Variants in ANO1 observed in about 807,000 individuals in gnomAD.
ANO1 encodes anoctamin-1.
In ANO1, 59 loss-of-function variants were observed where a neutral mutation model predicts 124.0. The observed-to-expected ratio is 0.48, with a 90% CI of 0.39 to 0.59. ANO1 has a LOEUF of 0.59. Among genes scored for constraint, ANO1 ranks in the 20% least tolerant of loss-of-function variants. ANO1 has a pLI of 0.00. For missense variants in ANO1, 1,059 were observed against 1,328.0 expected, an observed-to-expected ratio of 0.80 and a Z score of 3.15; for synonymous variants, 529 against 532.0, an observed-to-expected ratio of 0.99 and a Z score of 0.08.
At chr11:70,042,045 G>C (rs986273134) in intron 1 of ANO1, among the ~76,000 whole-genome samples, 6 of 152,108 alleles carry the variant, frequency 3.9e-5, no homozygotes, top group Non-Finnish European at 7.4e-5. Flanking sequence ...CACAGGAGAG[G>C]CTTGAGCATC....
chr11:70,128,127 GT>G lies in ANO1; in HGVS notation c.1097+1936del, dbSNP rs2046596521. ...TCTGGTCAATTTTTGTTTAAGTGAT[GT>G]TTTGATACATGAATAACACCTAAAA... is the stretch of plus-strand genomic sequence containing the variant. On this transcript the variant is annotated intron_variant, in intron 10 of 25. Coordinates refer to ENST00000355303, the MANE Select transcript of ANO1 (RefSeq NM_018043.7). 2.6e-5 allele frequency among the ~76,000 whole-genome samples: 4 copies of G among 152,198 alleles called. No homozygotes were observed. The South Asian group carries it at 8.3e-4, about 31-fold the overall frequency.
At chr11:70,088,457 G>A (rs11233620) in intron 2 of ANO1, among the ~76,000 whole-genome samples, 34,108 of 149,024 alleles carry the variant, frequency 0.23, 4,051 homozygotes, top group South Asian at 0.33. Context: ...TGCAGTGAGC[G>A]GACATCACGC....
chr11:70,068,193 C>T (rs117728018), intron 1 of ANO1, among the ~76,000 whole-genome samples: 2,407 of 152,308 alleles, frequency 0.016, 30 homozygotes, highest in Non-Finnish European at 0.022. Context: ...ACAACAACTC[C>T]ATCCTTGCCC....
chr11:70,187,663 G>A (rs1423207206), intron 25 of ANO1, 75 bp from the exon 26 acceptor site: 2 of 1,510,434 alleles, frequency 1.3e-6, no homozygotes, highest in Admixed American at 2.0e-5. Context: ...CACCAGATGG[G>A]GGCCAGGCAG....
intron 1 of ANO1, among the ~76,000 whole-genome samples, chr11:70,062,430 A>T (rs75708514): frequency 0.23 from 35,261 of 152,066 alleles, 4,811 homozygotes; most frequent in South Asian, 0.33. Context: ...ATAGGGACAC[A>T]TTCAGGACAA....
At chr11:70,103,625 C>T (rs1157420298) in intron 3 of ANO1, among the ~76,000 whole-genome samples, 1 of 152,124 alleles carries the variant, frequency 6.6e-6, no homozygotes, top group African/African-American at 2.4e-5. Context: ...CAGTGTGTTC[C>T]CAGAAGCTTA....
chr11:70,061,631 T>C (rs1857580257), intron 1 of ANO1, among the ~76,000 whole-genome samples: 1 of 152,170 alleles, frequency 6.6e-6, no homozygotes, highest in African/African-American at 2.4e-5. Flanking sequence ...CAGCTACCTA[T>C]AGCAGCTGAG....
the ANO1 span, among the ~76,000 whole-genome samples, chr11:69,979,258 G>T: frequency 1.3e-5 from 2 of 152,142 alleles, no homozygotes; most frequent in African/African-American, 4.8e-5. Context: ...TTTGCTCCTG[G>T]TAATAACATT....
chr11:70,155,006 T>A (rs1461371628), intron 14 of ANO1, among the ~76,000 whole-genome samples: 3 of 152,198 alleles, frequency 2.0e-5, no homozygotes, highest in Admixed American at 1.3e-4. Flanking sequence ...CCTACAAGCA[T>A]CCGGCGTGTT....
intron 1 of ANO1, among the ~76,000 whole-genome samples, chr11:70,072,103 A>C (rs1295774143): frequency 6.6e-6 from 1 of 152,216 alleles, no homozygotes; most frequent in Non-Finnish European, 1.5e-5. Context: ...GAAACGTTGC[A>C]TCAGGAGGAC....
intron 1 of ANO1, among the ~76,000 whole-genome samples, chr11:70,001,239 C>A (rs1358325939): frequency 6.6e-6 from 1 of 152,196 alleles, no homozygotes; most frequent in African/African-American, 2.4e-5. Context: ...AGCTAGCTGG[C>A]CTACATTCTA....
intron 16 of ANO1, 137 bp from the exon 17 acceptor site, chr11:70,161,024 C>T: frequency 1.2e-6 from 1 of 818,940 alleles, no homozygotes; most frequent in Non-Finnish European, 1.9e-6. Context: ...TGGCAGGTGC[C>T]CAAGAAATGT....
intron 1 of ANO1, chr11:70,072,284 C>G (rs1483042344): frequency 6.6e-6 from 1 of 152,324 alleles, no homozygotes; most frequent in Admixed American, 6.5e-5. Flanking sequence ...CAGTATCCCC[C>G]CAAGAGAAAC....
intron 4 of ANO1, 74 bp from the exon 5 acceptor site, chr11:70,105,660 C>T (rs559580518): frequency 7.0e-7 from 1 of 1,430,440 alleles, no homozygotes; most frequent in South Asian, 1.2e-5. Flanking sequence ...AGTGTGGTTT[C>T]CCAGGGCCTT....
At chr11:70,183,387 G>A (rs142045197) in intron 24 of ANO1, among the ~76,000 whole-genome samples, 82 of 152,322 alleles carry the variant, frequency 5.4e-4, no homozygotes, top group African/African-American at 1.6e-3. Flanking sequence ...GAAAATCCAG[G>A]GACTGAGTCT....
chr11:69,968,806 C>G, the ANO1 span, among the ~76,000 whole-genome samples: 3 of 152,218 alleles, frequency 2.0e-5, no homozygotes, highest in African/African-American at 2.4e-5. Context: ...TGTCCAGGAG[C>G]AGCAGGGAAT....
At chr11:70,130,951 A>T (rs1367682681) in intron 10 of ANO1, among the ~76,000 whole-genome samples, 1 of 152,246 alleles carries the variant, frequency 6.6e-6, no homozygotes, top group Non-Finnish European at 1.5e-5. Flanking sequence ...CACCAGGCGG[A>T]TGGAGATGCT....
intron 1 of ANO1, among the ~76,000 whole-genome samples, chr11:69,995,105 T>G (rs3079245): frequency 1.4e-5 from 2 of 145,556 alleles, no homozygotes; most frequent in African/African-American, 5.1e-5. Context: ...TTTTTTTTTT[T>G]TTTTTTTTTT....
intron 1 of ANO1, among the ~76,000 whole-genome samples, chr11:70,023,479 A>C (rs961678155): frequency 3.3e-5 from 5 of 152,150 alleles, no homozygotes; most frequent in Non-Finnish European, 4.4e-5. Flanking sequence ...GCCTTCCCCA[A>C]ATGTAGATGA....
Sources: allele counts gnomAD v4.1 joint callset (sites outside exome capture counted in the v4.1 genomes callset), GRCh38; gene constraint gnomAD v4.1.1; transcripts MANE v1.5; gene names NCBI Gene and HGNC (gene_info 2026-07-23, HGNC 2026-07-21).